Variants in MDN1 observed in about 807,000 individuals in gnomAD.
The protein encoded by MDN1 is midasin.
A neutral mutation model predicts 669.2 loss-of-function variants in MDN1; 266 were observed. The observed-to-expected ratio is 0.40, with a 90% CI of 0.36 to 0.44. The LOEUF (loss-of-function observed/expected upper bound fraction) is 0.44, where lower values mean the gene tolerates loss of function less well. Ranked by LOEUF, MDN1 falls within the 20% of genes least tolerant of loss-of-function variation. MDN1 has a pLI of 1.00. For synonymous variants in MDN1, 2,385 were observed against 2,457.1 expected, an observed-to-expected ratio of 0.97 and a Z score of 0.87; for missense variants, 5,940 against 6,754.0, an observed-to-expected ratio of 0.88 and a Z score of 4.22.
intron 27 of MDN1, among the ~76,000 whole-genome samples, chr6:89,746,805 A>G (rs1816661250): frequency 6.6e-6 from 1 of 152,222 alleles, no homozygotes; most frequent in Admixed American, 6.5e-5. Context: ...AACACTTTGT[A>G]TCCTATCATC....
chr6:89,700,629 G>A lies in MDN1; in HGVS notation c.8638+17C>T. On this transcript the variant is annotated intron_variant, in intron 56 of 101. Transcript: ENST00000369393. The stretch of plus-strand genomic sequence containing the variant: ...TTCAGAGCATCTGTCAGCTAGCCAA[G>A]TGCTAGAATATTTTACCTAGGCTGA... 6.2e-7 allele frequency: 1 copy of A among 1,607,070 alleles called. No homozygotes were observed. The highest frequency in any genetic ancestry group is 8.5e-7 in the Non-Finnish European group (1 of 1,173,722).
intron 94 of MDN1, 50 bp downstream of exon 94, chr6:89,652,942 T>C (rs369123616): frequency 9.8e-5 from 151 of 1,539,866 alleles, no homozygotes; most frequent in Admixed American, 2.0e-4. Context: ...AATTTTATTT[T>C]GTTAATTTAT....
intron 20 of MDN1, among the ~76,000 whole-genome samples, chr6:89,755,318 C>T (rs867926200): frequency 1.4e-5 from 2 of 147,764 alleles, no homozygotes; most frequent in South Asian, 2.1e-4. Context: ...CTAAGGCTGG[C>T]GTATCACTTG....
intron 18 of MDN1, 34 bp from the exon 19 acceptor site, chr6:89,758,385 G>A (rs759081513): frequency 6.5e-6 from 10 of 1,530,670 alleles, no homozygotes; most frequent in Non-Finnish European, 8.9e-6. Flanking sequence ...CTCAACAAAG[G>A]TATGATTATC....
chr6:89,655,280 A>AT (rs1227412337), intron 92 of MDN1, among the ~76,000 whole-genome samples: 1 of 152,150 alleles, frequency 6.6e-6, no homozygotes, highest in Admixed American at 6.5e-5. Flanking sequence ...ATGCTGAGAC[A>AT]TTTTTCCTCC....
rs552008560 is a variant in MDN1, at chr6:89,656,796, G to A, written c.15189C>T (p.His5063=). Residue 5063 remains histidine, a synonymous_variant, in exon 91 of 102, where the codon CAC becomes CAT. Coordinates refer to ENST00000369393, the MANE Select transcript of MDN1 (RefSeq NM_014611.3). ...APEKEQGKEE[H]GSGAADANQA... ...GGTTTGCATCTGCAGCTCCACTTCC[G>A]TGTTCCTAGGAAATCCAAGCCACAA... The A allele has an allele frequency of 2.0e-5, 33 of 1,612,134 alleles. No homozygotes were observed. The highest frequency in any genetic ancestry group is 7.7e-5 in the South Asian group (7 of 90,740).
chr6:89,761,155 G>A (rs923985444), intron 17 of MDN1, among the ~76,000 whole-genome samples: 3 of 151,914 alleles, frequency 2.0e-5, no homozygotes, highest in Admixed American at 2.0e-4. Flanking sequence ...GACAGAGTGA[G>A]ACTCTGTCTC....
At position 89,790,211 on chromosome 6, in the gene MDN1, G is replaced by C; in HGVS notation, c.1046C>G (p.Thr349Arg). The change falls in exon 6 of 102, where the codon ACA becomes AGA. Residue 349 changes from threonine (T) to arginine (R), a missense_variant. Thr to Arg is a moderately conservative substitution (Grantham distance 71). Coordinates refer to ENST00000369393, the MANE Select transcript of MDN1 (RefSeq NM_014611.3). ...VEYLAAVTGR[T>R]KPPQLLKVQL... The stretch of plus-strand genomic sequence containing the variant: ...GACTTTGAGAAGCTGAGGAGGCTTT[G>C]TTCTACCTGTCACTGCAGCTAAATA... 1 of 1,614,174 alleles carries C rather than the reference G, an allele frequency of 6.2e-7. No homozygotes were observed. The highest frequency in any genetic ancestry group is 8.5e-7 in the Non-Finnish European group (1 of 1,180,008).
intron 84 of MDN1, among the ~76,000 whole-genome samples, chr6:89,666,849 A>C (rs1339240650): frequency 2.9e-4 from 44 of 152,216 alleles, no homozygotes; most frequent in Non-Finnish European, 1.5e-5. Context: ...TGATACATAC[A>C]AAACCATCTC....
Position 89,699,608 on chromosome 6 carries a change from T to G in MDN1, c.8990A>C (p.His2997Pro). ...TCTTATTGTGATTTTTACCTTCTGATGATGCAGCAAGGACCACAGATCTCG... is the reference window on the plus strand; with the variant it reads ...TCTTATTGTGATTTTTACCTTCTGAGGATGCAGCAAGGACCACAGATCTCG... ...ELRDLWSLLH[H>P]QKVSPEEITS... Residue 2997 changes from histidine to proline, a missense_variant, in exon 58 of 102, where the codon CAT becomes CCT. This residue lies in a region of MDN1 where 2,292 missense variants were observed against 2,638.3 expected (regional missense o/e 0.87). Transcript: ENST00000369393. 6.2e-7 allele frequency: 1 copy of G among 1,611,708 alleles called. No homozygotes were observed. The highest frequency in any genetic ancestry group is 8.5e-7 in the Non-Finnish European group (1 of 1,178,980).
chr6:89,744,413 T>TCCAAAAATAATAA (rs1404747353), intron 29 of MDN1, among the ~76,000 whole-genome samples: 2 of 151,260 alleles, frequency 1.3e-5, no homozygotes, highest in Non-Finnish European at 1.5e-5. Flanking sequence ...AGACTCCATC[T>TCCAAAAATAATAA]TTTTTTTAGT....
At position 89,674,200 on chromosome 6, in the gene MDN1, G is replaced by C; in HGVS notation, c.13151C>G (p.Thr4384Ser). 1 of 1,614,236 alleles carries C rather than the reference G, an allele frequency of 6.2e-7. No individual in the cohort carries two copies. Among genetic ancestry groups the C allele is most frequent in the Non-Finnish European group, 8.5e-7 (1 of 1,180,054 alleles). ...TTTTAGCATCTCTGTTAATCTCGTAGTTGACTGTTGCCAAAGGTGATCCTG... is the reference window on the plus strand; with the variant it reads ...TTTTAGCATCTCTGTTAATCTCGTACTTGACTGTTGCCAAAGGTGATCCTG... ...RKQDHLWQQS[T>S]TRLTEMLKTI... is the part of the protein sequence containing the mutation. Residue 4384 changes from threonine to serine, a missense_variant, in exon 79 of 102, where the codon ACT becomes AGT. By Grantham distance (58) the Thr-to-Ser change is moderately conservative. Transcript: ENST00000369393.
At chr6:89,816,182 C>A (rs1768814199) in intron 1 of MDN1, among the ~76,000 whole-genome samples, 1 of 151,970 alleles carries the variant, frequency 6.6e-6, no homozygotes, top group African/African-American at 2.4e-5. Flanking sequence ...GGTGGATCAC[C>A]TGAGGTCAGG....
intron 50 of MDN1, among the ~76,000 whole-genome samples, chr6:89,710,136 G>A (rs1813790280): frequency 6.6e-6 from 1 of 152,168 alleles, no homozygotes; most frequent in Non-Finnish European, 1.5e-5. Context: ...CTCGTGGTTT[G>A]AAACTCTTCC....
rs79715782 is a variant in MDN1 at position 89,730,682 on chromosome 6, G to C, written c.5140+44C>G. On this transcript the variant is annotated intron_variant, in intron 35 of 101. Coordinates refer to ENST00000369393, the MANE Select transcript of MDN1 (RefSeq NM_014611.3). ...GTCACAATAAAAGCCAAGTATCTATGATCTATAGAAAAGGAAAATTCATTT... is the reference window on the plus strand; with the variant it reads ...GTCACAATAAAAGCCAAGTATCTATCATCTATAGAAAAGGAAAATTCATTT... The C allele has an allele frequency of 2.1e-3, 3,165 of 1,509,868 alleles. 52 individuals carry two copies. The African/African-American group carries it at 0.039, about 18-fold the overall frequency. The allele number at this position is 1,509,868 out of a possible 1,614,324, so 93.5% of individuals were successfully genotyped here.
Position 89,762,207 on chromosome 6 carries a change from C to T in MDN1, c.2356+112G>A, listed in dbSNP as rs1025917414. 4 of 900,718 alleles carry T rather than the reference C, an allele frequency of 4.4e-6. No individual in the cohort carries two copies. The African/African-American group carries it at 5.0e-5, about 11-fold the overall frequency. 55.8% of individuals were successfully genotyped at this position (900,718 alleles called of 1,614,324 possible). ...ATACTTCACAATTAGTCACTTCTGC[C>T]AAAGTCCTAGAAAGCTCCAATTTGT... On this transcript the variant is annotated intron_variant, in intron 16 of 101. Coordinates refer to ENST00000369393, the MANE Select transcript of MDN1 (RefSeq NM_014611.3).
intron 11 of MDN1, among the ~76,000 whole-genome samples, chr6:89,778,954 T>A (rs1385171515): frequency 1.3e-5 from 2 of 148,816 alleles, no homozygotes; most frequent in Non-Finnish European, 3.0e-5. Flanking sequence ...ATAGGGCCTG[T>A]GTCAGTATGT....
At chr6:89,694,240 G>T in intron 61 of MDN1, 57 bp from the exon 62 acceptor site, 1 of 1,427,946 alleles carries the variant, frequency 7.0e-7, no homozygotes. Flanking sequence ...ATGCACATGA[G>T]GACAATGTCC....
At chr6:89,752,600 G>C (rs1817011967) in intron 22 of MDN1, among the ~76,000 whole-genome samples, 1 of 152,006 alleles carries the variant, frequency 6.6e-6, no homozygotes, top group Non-Finnish European at 1.5e-5. Context: ...ATCCAAAACG[G>C]CTATTGTTTC....
Sources: gnomAD v4.1 joint callset for allele counts (sites outside exome capture counted in the v4.1 genomes callset) on GRCh38, gnomAD v4.1.1 for gene constraint, gnomAD v4.1.1 regional missense constraint, MANE v1.5 for transcripts, NCBI Gene and HGNC (gene_info 2026-07-23, HGNC 2026-07-21) for gene names.